The following CACNA1G variants were observed in gnomAD, a reference collection of about 807,000 sequenced individuals.
The protein encoded by CACNA1G is calcium voltage-gated channel subunit alpha1 G.
In CACNA1G, 67 loss-of-function variants were observed where a neutral mutation model predicts 219.4. The ratio of observed to expected loss-of-function variants is 0.31; its 90% confidence interval spans 0.25 to 0.37. The LOEUF (loss-of-function observed/expected upper bound fraction) is 0.37, where lower values mean the gene tolerates loss of function less well. Ranked by LOEUF, CACNA1G falls within the 10% of genes least tolerant of loss-of-function variation. The pLI is 1.00. For synonymous variants in CACNA1G, 1,296 were observed against 1,345.3 expected, an observed-to-expected ratio of 0.96 and a Z score of 0.80; for missense variants, 2,380 against 3,231.4, an observed-to-expected ratio of 0.74 and a Z score of 6.39.
chr17:50,567,792 C>T (rs1567956056), intron 1 of CACNA1G, among the ~76,000 whole-genome samples: 1 of 152,116 alleles, frequency 6.6e-6, no homozygotes, highest in South Asian at 2.1e-4. Flanking sequence ...TTCTAAGGTC[C>T]GGAGGCCGTT....
intron 1 of CACNA1G, among the ~76,000 whole-genome samples, chr17:50,567,331 C>A (rs1420762738): frequency 6.6e-6 from 1 of 152,028 alleles, no homozygotes; most frequent in Non-Finnish European, 1.5e-5. Context: ...AGGTGGCGAG[C>A]AGGCATGTGA....
intron 28 of CACNA1G, 63 bp downstream of exon 28, chr17:50,616,447 G>A: frequency 9.9e-7 from 1 of 1,009,562 alleles, no homozygotes; most frequent in South Asian, 1.4e-5. Flanking sequence ...AGTCTCTTGG[G>A]GAAATACCCA....
chr17:50,561,741 G>C lies in CACNA1G; in HGVS notation c.242+40G>C, dbSNP rs757166143. The C allele has an allele frequency of 7.3e-6, 11 of 1,516,180 alleles. No individual in the cohort carries two copies. In the East Asian group the frequency reaches 2.4e-4, roughly 33 times the overall value. 93.9% of individuals were successfully genotyped at this position (1,516,180 alleles called of 1,614,324 possible). On this transcript the variant is annotated intron_variant, in intron 1 of 37. Coordinates refer to ENST00000359106, the MANE Select transcript of CACNA1G (RefSeq NM_018896.5). Reference sequence around the variant, plus strand: ...ACGACGGCCAGGCGCGGGGTCAGAAGGGGGACGGGCCGCACCGCCGGGGGT... The same window carrying C: ...ACGACGGCCAGGCGCGGGGTCAGAACGGGGACGGGCCGCACCGCCGGGGGT...
chr17:50,619,097 C>T (rs533305342), intron 33 of CACNA1G, 89 bp downstream of exon 33: 886 of 1,047,532 alleles, frequency 8.5e-4, no homozygotes, highest in Non-Finnish European at 1.1e-3. Context: ...GGGCAGCACA[C>T]AAACCCTAGG....
In CACNA1G at chr17:50,617,747, T is replaced by C; in HGVS notation, c.5156-112T>C. The C allele has an allele frequency of 7.0e-7, 1 of 1,438,302 alleles. No homozygotes were observed. Among genetic ancestry groups the C allele is most frequent in the Non-Finnish European group, 9.6e-7 (1 of 1,046,420 alleles). 89.1% of individuals were successfully genotyped at this position (1,438,302 alleles called of 1,614,324 possible). A position where few individuals can be genotyped will look rare whatever the true frequency, so the allele number is the denominator to read the frequency against. ...GCTGAGGATGGGGATGCAACCTGGC[T>C]GGCCCGGAGATGGCCATCCCAGCAG... On this transcript the variant is annotated intron_variant, in intron 29 of 37. Coordinates refer to ENST00000359106, the MANE Select transcript of CACNA1G (RefSeq NM_018896.5). This position sits in a 1 kb window ranked among gnomAD's most constrained non-coding sequence, Gnocchi z 5.8.
chr17:50,621,577 TGA>T lies in CACNA1G; in HGVS notation c.5926-75_5926-74del. 2 of 1,481,118 alleles carry T rather than the reference TGA, an allele frequency of 1.4e-6. No individual in the cohort carries two copies. Among genetic ancestry groups the T allele is most frequent in the Non-Finnish European group, 1.9e-6 (2 of 1,078,940 alleles). 91.7% of individuals were successfully genotyped at this position (1,481,118 alleles called of 1,614,324 possible). On this transcript the variant is annotated intron_variant, in intron 34 of 37. Coordinates refer to ENST00000359106, the MANE Select transcript of CACNA1G (RefSeq NM_018896.5). This position sits in a 1 kb window ranked among gnomAD's most constrained non-coding sequence, Gnocchi z 4.6. ...TTCGTGAAAAGGGGGAAGTGGGGAC[TGA>T]GAGAGAGCGCGTGTGTGCGTGTGCA...
Position 50,601,102 on chromosome 17 carries a change from G to A in CACNA1G, c.3843G>A (p.Val1281=), listed in dbSNP as rs1341488908. The A allele has an allele frequency of 3.1e-6, 5 of 1,613,914 alleles. No homozygotes were observed. Among genetic ancestry groups the A allele is most frequent in the South Asian group, 1.1e-5 (1 of 91,080 alleles). Residue 1281 remains valine, a synonymous_variant, in exon 19 of 38, where the codon GTG becomes GTA. Transcript: ENST00000359106. ...RIITHKMFDH[V]VLVIIFLNCI... ...TCACCCACAAGATGTTCGACCACGT[G>A]GTCCTTGTCATCATCTTCCTTAACT...
At chr17:50,595,710 A>C (rs1323387201) in intron 14 of CACNA1G, among the ~76,000 whole-genome samples, 1 of 152,254 alleles carries the variant, frequency 6.6e-6, no homozygotes, top group East Asian at 1.9e-4. Context: ...CTGCCCCAGC[A>C]CCAGAATTCG....
chr17:50,615,438 C>A lies in CACNA1G; in HGVS notation c.4837C>A (p.Leu1613Met). 6.2e-7 allele frequency: 1 copy of A among 1,613,832 alleles called. No homozygotes were observed. Residue 1613 changes from leucine to methionine, a missense_variant, in exon 27 of 38, where the codon CTG (leucine) becomes ATG (methionine). Around this residue, in one of 17 missense-constraint regions of CACNA1G, gnomAD observed 123 missense variants for 258.4 expected, o/e 0.48. Transcript: ENST00000359106. Reference protein sequence around the residue: ...LVHHLCTSHYLDLFITGVIGL... With the variant: ...LVHHLCTSHYMDLFITGVIGL... ...CCACCACTTGTGCACCAGCCACTAC[C>A]TGGACCTCTTCATCACAGGTGTCAT...
intron 9 of CACNA1G, among the ~76,000 whole-genome samples, chr17:50,589,076 ACTTGG>A (rs2043608510): frequency 6.6e-6 from 1 of 152,136 alleles, no homozygotes. Context: ...GCTACTATGG[ACTTGG>A]CCTCTGCCCT....
rs372523276 is a variant in CACNA1G at position 50,600,783 on chromosome 17, G to A, written c.3748G>A (p.Glu1250Lys). The A allele has an allele frequency of 6.1e-5, 99 of 1,613,768 alleles. No individual in the cohort carries two copies. The highest frequency in any genetic ancestry group is 2.7e-4 in the South Asian group (25 of 91,092). The change falls in exon 18 of 38, where the codon GAG (glutamate) becomes AAG (lysine). Residue 1250 changes from glutamate to lysine, a missense_variant. Coordinates refer to ENST00000359106, the MANE Select transcript of CACNA1G (RefSeq NM_018896.5). This position sits in a 1 kb window ranked among gnomAD's most constrained non-coding sequence, Gnocchi z 4.1. ...IRARLPACCL[E>K]RDSWSAYIFP... ...AGCCCGACTCCCTGCCTGCTGCCTCGAGCGAGACTCCTGGTCAGCCTACAT... is the reference window on the plus strand; with the variant it reads ...AGCCCGACTCCCTGCCTGCTGCCTCAAGCGAGACTCCTGGTCAGCCTACAT...
chr17:50,605,253 C>A (rs914222457), intron 22 of CACNA1G, among the ~76,000 whole-genome samples: 3 of 152,188 alleles, frequency 2.0e-5, no homozygotes. Flanking sequence ...CACTAGTGGT[C>A]ATAGCCTGGT....
At chr17:50,577,292 C>T (rs1240716170) in intron 8 of CACNA1G, among the ~76,000 whole-genome samples, 8 of 152,002 alleles carry the variant, frequency 5.3e-5, no homozygotes, top group Non-Finnish European at 1.0e-4. Flanking sequence ...GGAGAAATGT[C>T]GCTGAGAGCC....
At chr17:50,599,388 G>A (rs1007174045) in intron 16 of CACNA1G, 40 bp from the exon 17 acceptor site, 1 of 1,486,340 alleles carries the variant, frequency 6.7e-7, no homozygotes, top group African/African-American at 1.4e-5. Flanking sequence ...CAGGGCTGCT[G>A]GGCCCTGCCT....
chr17:50,596,738 C>T lies in CACNA1G; in HGVS notation c.3073C>T (p.Leu1025=). 6.2e-7 allele frequency: 1 copy of T among 1,613,600 alleles called. No homozygotes were observed. Among genetic ancestry groups the T allele is most frequent in the Non-Finnish European group, 8.5e-7 (1 of 1,179,808 alleles). Residue 1025 remains leucine (L), a synonymous_variant, in exon 16 of 38, where the codon CTG becomes TTG. Transcript: ENST00000359106. The surrounding 1 kb of genome is among the most constrained non-coding windows in gnomAD (Gnocchi z 4.8). ...DRKKCLALVS[L]GEHPELRKSL... is the part of the protein sequence containing the mutation. ...CCTCTCTCCCCGTGCAGTGGTGTCC[C>T]TGGGAGAGCACCCGGAGCTGCGGAA...
At position 50,618,482 on chromosome 17, in the gene CACNA1G, T is replaced by A. The variant is rs925601865; in HGVS notation, c.5427+139T>A. The A allele has an allele frequency of 1.7e-5, 21 of 1,264,802 alleles. No homozygotes were observed. The highest frequency in any genetic ancestry group is 1.7e-5 in the Non-Finnish European group (15 of 894,102). 78.3% of individuals were successfully genotyped at this position (1,264,802 alleles called of 1,614,324 possible). ...TGCTAGAACACTCTGGAACTCCCTC[T>A]CCCAGGAACATGCTCTGACTCACAC... On this transcript the variant is annotated intron_variant, in intron 32 of 37. Transcript: ENST00000359106. The surrounding 1 kb of genome is among the most constrained non-coding windows in gnomAD (Gnocchi z 5.3).
At chr17:50,592,829 G>T (rs1163688401) in intron 13 of CACNA1G, among the ~76,000 whole-genome samples, 1 of 152,162 alleles carries the variant, frequency 6.6e-6, no homozygotes, top group Non-Finnish European at 1.5e-5. Flanking sequence ...AACGCTCCAG[G>T]TTGGGTCTGG....
At chr17:50,574,750 A>G (rs754725640) in intron 7 of CACNA1G, among the ~76,000 whole-genome samples, 1 of 152,194 alleles carries the variant, frequency 6.6e-6, no homozygotes, top group Admixed American at 6.5e-5. Flanking sequence ...GAAAAAAAAA[A>G]TCTGCTTTGT....
chr17:50,589,912 C>CTCTCTCTCTCTCTGTGTG (rs1326523232), intron 9 of CACNA1G, among the ~76,000 whole-genome samples: 19 of 141,924 alleles, frequency 1.3e-4, no homozygotes, highest in African/African-American at 5.1e-4. Context: ...CTCTCTCTCT[C>CTCTCTCTCTCTCTGTGTG]TGTGTGTGTG....
Sources: allele counts gnomAD v4.1 joint callset (sites outside exome capture counted in the v4.1 genomes callset), GRCh38; gene constraint gnomAD v4.1.1; regional missense constraint gnomAD v4.1.1; non-coding constraint Gnocchi (gnomAD v3.1); transcripts MANE v1.5; gene names NCBI Gene and HGNC (gene_info 2026-07-23, HGNC 2026-07-21).